Variants in TIAM1 observed in about 807,000 individuals in gnomAD.
TIAM1 encodes TIAM Rac1 associated GEF 1.
In TIAM1, 65 loss-of-function variants were observed where a neutral mutation model predicts 163.5. That is an observed-to-expected ratio of 0.40 (90% CI 0.33 to 0.49). TIAM1 has a LOEUF of 0.49. TIAM1 is among the 20% of genes least tolerant of loss of function. TIAM1 has a pLI of 0.77. For synonymous variants in TIAM1, 833 were observed against 810.1 expected, an observed-to-expected ratio of 1.03 and a Z score of -0.48; for missense variants, 1,789 against 2,044.7, an observed-to-expected ratio of 0.87 and a Z score of 2.41.
chr21:31,265,931 A>G (rs987403081), intron 4 of TIAM1, 79 bp downstream of exon 4: 48 of 1,534,720 alleles, frequency 3.1e-5, no homozygotes, highest in Admixed American at 6.0e-5. Context: ...AAAGATGGAA[A>G]TCTTCTAAGA....
chr21:31,444,761 G>A (rs957108530), intron 2 of TIAM1, among the ~76,000 whole-genome samples: 1 of 152,308 alleles, frequency 6.6e-6, no homozygotes, highest in East Asian at 1.9e-4. Context: ...CACTTTGGGA[G>A]GCCAAGGTGG....
intron 2 of TIAM1, among the ~76,000 whole-genome samples, chr21:31,388,035 G>C (rs1157195746): frequency 6.6e-6 from 1 of 152,088 alleles, no homozygotes; most frequent in Non-Finnish European, 1.5e-5. Context: ...CATGTGACAT[G>C]CCTGTTCCCG....
intron 2 of TIAM1, among the ~76,000 whole-genome samples, chr21:31,454,635 G>A (rs759347220): frequency 4.1e-4 from 63 of 152,118 alleles, no homozygotes; most frequent in Non-Finnish European, 7.9e-4. Flanking sequence ...CGTGGGAGGA[G>A]GTAGAGCCAG....
At chr21:31,428,170 G>C (rs902850808) in intron 2 of TIAM1, among the ~76,000 whole-genome samples, 1 of 151,970 alleles carries the variant, frequency 6.6e-6, no homozygotes, top group African/African-American at 2.4e-5. Context: ...CAGCAGAATC[G>C]CTTGAACCCA....
intron 1 of TIAM1, among the ~76,000 whole-genome samples, chr21:31,554,681 G>A (rs758080040): frequency 2.0e-5 from 3 of 152,034 alleles, no homozygotes; most frequent in Admixed American, 6.6e-5. Flanking sequence ...ACAATTGATC[G>A]GCTCTCAGAT....
At chr21:31,284,539 G>A (rs1409940515) in intron 2 of TIAM1, among the ~76,000 whole-genome samples, 1 of 151,966 alleles carries the variant, frequency 6.6e-6, no homozygotes, top group African/African-American at 2.4e-5. Context: ...ATTTTTTTGA[G>A]ATGGAGTCTC....
intron 2 of TIAM1, among the ~76,000 whole-genome samples, chr21:31,386,483 C>T (rs2147185564): frequency 6.6e-6 from 1 of 152,312 alleles, no homozygotes; most frequent in South Asian, 2.1e-4. Flanking sequence ...GCAAAGGTGT[C>T]TAAGCCCAAG....
intron 6 of TIAM1, among the ~76,000 whole-genome samples, chr21:31,227,725 G>C (rs2088072612): frequency 6.6e-6 from 1 of 152,150 alleles, no homozygotes; most frequent in Non-Finnish European, 1.5e-5. Flanking sequence ...TCTCCTCTTT[G>C]CAGGTCATTA....
intron 2 of TIAM1, among the ~76,000 whole-genome samples, chr21:31,402,469 G>A (rs1456824373): frequency 2.6e-5 from 4 of 152,044 alleles, no homozygotes; most frequent in East Asian, 1.9e-4. Context: ...CAGGACCAAC[G>A]TCTCTTCCTG....
chr21:31,281,283 C>G (rs1482266256), intron 2 of TIAM1, among the ~76,000 whole-genome samples: 2 of 151,880 alleles, frequency 1.3e-5, no homozygotes, highest in African/African-American at 4.8e-5. Flanking sequence ...AGTAAATTAC[C>G]CATTCTGAAA....
Position 31,127,137 on chromosome 21 carries a change from G to A in TIAM1, c.4061C>T (p.Ala1354Val), listed in dbSNP as rs550528007. Residue 1354 changes from alanine (A) to valine (V), a missense_variant, in exon 26 of 28, where the codon GCC becomes GTC. Transcript: ENST00000541036. Reference sequence around the variant, plus strand: ...TTTTACATGGACAATTTCACACACGGCATTTGCCTCTGCATCTAAAGAAAT... The same window carrying A: ...TTTTACATGGACAATTTCACACACGACATTTGCCTCTGCATCTAAAGAAAT... ...ALASADAEAN[A>V]VCEIVHVKSE... The A allele has an allele frequency of 1.2e-6, 2 of 1,613,780 alleles. No homozygotes were observed. The highest frequency in any genetic ancestry group is 1.7e-6 in the Non-Finnish European group (2 of 1,179,812).
chr21:31,410,142 A>C (rs2077321947), intron 2 of TIAM1, among the ~76,000 whole-genome samples: 1 of 151,682 alleles, frequency 6.6e-6, no homozygotes, highest in South Asian at 2.1e-4. Context: ...GTGAGTGTAC[A>C]TGTGAAAGAG....
At chr21:31,418,341 CAAAAA>C (rs71193114) in intron 2 of TIAM1, among the ~76,000 whole-genome samples, 2 of 34,742 alleles carry the variant, frequency 5.8e-5, no homozygotes, top group African/African-American at 2.0e-4. Context: ...GACTCTGTCT[CAAAAA>C]AAAAAAAAAA....
At chr21:31,477,743 A>T (rs1162277431) in intron 1 of TIAM1, among the ~76,000 whole-genome samples, 1 of 152,178 alleles carries the variant, frequency 6.6e-6, no homozygotes, top group Non-Finnish European at 1.5e-5. Flanking sequence ...ACCCCAGAGG[A>T]CATCCTGAAG....
chr21:31,125,497 CCT>C (rs1463221326), intron 26 of TIAM1, among the ~76,000 whole-genome samples: 6 of 152,208 alleles, frequency 3.9e-5, no homozygotes, highest in Non-Finnish European at 7.3e-5. Flanking sequence ...CTTTTGTTGA[CCT>C]CTGTCACCCA....
rs140318576 is a variant in TIAM1 at position 31,550,937 on chromosome 21, G to A, written c.-422+7990C>T. Among the ~76,000 whole-genome samples, 102 of 152,190 alleles carry A rather than the reference G, an allele frequency of 6.7e-4. 1 individual carries two copies. The highest frequency in any genetic ancestry group is 2.3e-3 in the African/African-American group (96 of 41,526). On this transcript the variant is annotated intron_variant, in intron 1 of 28. Transcript: ENST00000286827. ...CAATTCAAGAACCATAAGGCCAGGC[G>A]CAGTGGCTCACGCCTGTAATCCCAG...
At chr21:31,544,382 A>G (rs2048419798) in intron 1 of TIAM1, among the ~76,000 whole-genome samples, 1 of 63,440 alleles carries the variant, frequency 1.6e-5, no homozygotes, top group Non-Finnish European at 4.5e-5. Flanking sequence ...CAGAGCTAAC[A>G]TTTGGTTCCG....
intron 8 of TIAM1, 149 bp downstream of exon 8, chr21:31,223,257 G>T (rs898542973): frequency 8.5e-5 from 69 of 815,376 alleles, no homozygotes; most frequent in Non-Finnish European, 1.1e-4. Flanking sequence ...GGTTTAAATG[G>T]AAATTTGCAT....
chr21:31,197,500 C>T (rs1447111774), intron 12 of TIAM1, among the ~76,000 whole-genome samples: 10 of 149,666 alleles, frequency 6.7e-5, no homozygotes, highest in Non-Finnish European at 1.3e-4. Flanking sequence ...CTCAGCCTAC[C>T]GAGTAGCTGG....
Sources: gnomAD v4.1 joint callset for allele counts (sites outside exome capture counted in the v4.1 genomes callset) on GRCh38, gnomAD v4.1.1 for gene constraint, MANE v1.5 for transcripts, NCBI Gene and HGNC (gene_info 2026-07-23, HGNC 2026-07-21) for gene names.